UBASH3B: variants seen among roughly 807,000 people sequenced by gnomAD.
The protein encoded by UBASH3B is ubiquitin associated and SH3 domain containing B, also known as ubiquitin-associated and SH3 domain-containing protein B.
UBASH3B carries 37 observed loss-of-function variants against 83.4 expected under a neutral mutation model. The ratio of observed to expected loss-of-function variants is 0.44; its 90% CI spans 0.34 to 0.58. UBASH3B has a LOEUF of 0.58. Ranked by LOEUF, UBASH3B falls within the 20% of genes least tolerant of loss-of-function variation. The probability of loss-of-function intolerance (pLI) is 0.01; values close to 1 mark genes in which losing one functional copy is unlikely to be tolerated. For missense variants in UBASH3B, 657 were observed against 827.2 expected (o/e 0.79, Z 2.52); for synonymous variants, 304 against 318.3 (o/e 0.96, Z 0.48).
intron 1 of UBASH3B, among the ~76,000 whole-genome samples, chr11:122,705,467 A>AG (rs1374680893): frequency 6.6e-6 from 1 of 151,850 alleles, no homozygotes; most frequent in East Asian, 1.9e-4. Flanking sequence ...AAAAAAAAAA[A>AG]AAAAGAAAAA....
At chr11:122,660,234 G>A (rs1863419364) in intron 1 of UBASH3B, among the ~76,000 whole-genome samples, 1 of 152,122 alleles carries the variant, frequency 6.6e-6, no homozygotes, top group Non-Finnish European at 1.5e-5. Context: ...AGGAGAATTT[G>A]CCTCATGGAG....
chr11:122,730,745 G>A (rs534855280), intron 1 of UBASH3B, among the ~76,000 whole-genome samples: 2 of 152,216 alleles, frequency 1.3e-5, no homozygotes, highest in Admixed American at 1.3e-4. Flanking sequence ...ACAGGCATGT[G>A]CCACCACGCC....
At chr11:122,744,884 T>TGTGTGTGTGTG (rs1485342931) in intron 1 of UBASH3B, among the ~76,000 whole-genome samples, 5 of 135,874 alleles carry the variant, frequency 3.7e-5, no homozygotes, top group African/African-American at 1.3e-4. Flanking sequence ...TGTGTGTGTG[T>TGTGTGTGTGTG]GTGTGTGTGT....
At chr11:122,780,317 C>T (rs1860827569) in intron 4 of UBASH3B, among the ~76,000 whole-genome samples, 1 of 152,204 alleles carries the variant, frequency 6.6e-6, no homozygotes, top group Non-Finnish European at 1.5e-5. Flanking sequence ...CCTGAGATTT[C>T]CTGTCAAAGG....
intron 1 of UBASH3B, among the ~76,000 whole-genome samples, chr11:122,750,609 A>G (rs190598225): frequency 7.9e-5 from 12 of 152,374 alleles, no homozygotes; most frequent in Admixed American, 1.3e-4. Flanking sequence ...AGAAGTTAAG[A>G]ACCCAGATAC....
intron 1 of UBASH3B, among the ~76,000 whole-genome samples, chr11:122,744,663 G>A (rs1000088811): frequency 1.3e-5 from 2 of 151,568 alleles, no homozygotes; most frequent in Admixed American, 6.6e-5. Context: ...ATGATCAAAT[G>A]TGTGTCACTG....
At chr11:122,684,691 G>A (rs1030244005) in intron 1 of UBASH3B, among the ~76,000 whole-genome samples, 2 of 152,112 alleles carry the variant, frequency 1.3e-5, no homozygotes, top group African/African-American at 4.8e-5. Flanking sequence ...TCTACCTCCT[G>A]GGTTCAAGTG....
At chr11:122,731,998 C>CACACAA (rs1860852209) in intron 1 of UBASH3B, among the ~76,000 whole-genome samples, 1 of 71,308 alleles carries the variant, frequency 1.4e-5, no homozygotes, top group Admixed American at 1.3e-4. Context: ...ACCCCGACGA[C>CACACAA]ACACACACAC....
chr11:122,701,734 T>C (rs1864042360), intron 1 of UBASH3B, among the ~76,000 whole-genome samples: 1 of 152,206 alleles, frequency 6.6e-6, no homozygotes, highest in Non-Finnish European at 1.5e-5. Context: ...CAAGATGTCC[T>C]TGCTTTGGTC....
At chr11:122,691,346 C>T (rs1417795355) in intron 1 of UBASH3B, among the ~76,000 whole-genome samples, 2 of 152,188 alleles carry the variant, frequency 1.3e-5, no homozygotes, top group Non-Finnish European at 2.9e-5. Flanking sequence ...AGGTTAAAGT[C>T]ACTCTTTTCT....
At chr11:122,733,044 C>T (rs1239157831) in intron 1 of UBASH3B, among the ~76,000 whole-genome samples, 2 of 152,190 alleles carry the variant, frequency 1.3e-5, no homozygotes, top group African/African-American at 2.4e-5. Context: ...GCAAGGGTCT[C>T]CCCACCCAAC....
intron 4 of UBASH3B, among the ~76,000 whole-genome samples, chr11:122,781,879 A>T (rs1215800892): frequency 1.3e-5 from 2 of 152,266 alleles, no homozygotes; most frequent in African/African-American, 4.8e-5. Context: ...ACCTTGTTTC[A>T]TGGGGCTTAC....
At chr11:122,740,577 A>G (rs1481181391) in intron 1 of UBASH3B, among the ~76,000 whole-genome samples, 1 of 152,212 alleles carries the variant, frequency 6.6e-6, no homozygotes, top group African/African-American at 2.4e-5. Context: ...TACATGGGAT[A>G]TCACTGATGC....
At chr11:122,774,072 G>A (rs1200120847) in intron 1 of UBASH3B, 3 of 984,536 alleles carry the variant, frequency 3.0e-6, no homozygotes, top group Non-Finnish European at 3.6e-6. Flanking sequence ...AAAAAAAAGC[G>A]AGATGTGTGG....
intron 1 of UBASH3B, among the ~76,000 whole-genome samples, chr11:122,686,629 C>A (rs1456608908): frequency 6.6e-6 from 1 of 152,076 alleles, no homozygotes; most frequent in Non-Finnish European, 1.5e-5. Context: ...GAAAAGCCAT[C>A]CAGGCTTGTT....
At chr11:122,775,306 C>T (rs1471521737) in intron 1 of UBASH3B, among the ~76,000 whole-genome samples, 1 of 152,238 alleles carries the variant, frequency 6.6e-6, no homozygotes, top group Non-Finnish European at 1.5e-5. Context: ...AGTTTGTACA[C>T]AGGGCTTCAC....
At chr11:122,752,418 T>C (rs1383834386) in intron 1 of UBASH3B, among the ~76,000 whole-genome samples, 1 of 152,158 alleles carries the variant, frequency 6.6e-6, no homozygotes, top group Non-Finnish European at 1.5e-5. Context: ...GACAGTGAAC[T>C]CAAGGGACCA....
intron 1 of UBASH3B, among the ~76,000 whole-genome samples, chr11:122,706,106 CTTTTT>C (rs36055058): frequency 1.6e-5 from 2 of 127,034 alleles, no homozygotes; most frequent in African/African-American, 6.1e-5. Context: ...TCTTTTCTTT[CTTTTT>C]TTTTTTTTCT....
chr11:122,655,938 C>G lies in UBASH3B; in HGVS notation c.-112C>G, dbSNP rs946985478. On this transcript the variant is annotated 5_prime_UTR_variant, in exon 1 of 14. Coordinates refer to ENST00000284273, the MANE Select transcript of UBASH3B (RefSeq NM_032873.5). Reference sequence around the variant, plus strand: ...AGCGCCGCCTCCGCTGCCGCCGCCTCCTGCCTGGCTCTGGGTCCCCGAGCC... The same window carrying G: ...AGCGCCGCCTCCGCTGCCGCCGCCTGCTGCCTGGCTCTGGGTCCCCGAGCC... 9 of 1,195,306 alleles carry G rather than the reference C, an allele frequency of 7.5e-6. No homozygotes were observed. In the East Asian group the frequency reaches 1.9e-4, roughly 25 times the overall value. 74.0% of individuals were successfully genotyped at this position (1,195,306 alleles called of 1,614,324 possible). A position where few individuals can be genotyped will look rare whatever the true frequency, so the allele number is the denominator to read the frequency against.
Sources: gnomAD v4.1 joint callset for allele counts (sites outside exome capture counted in the v4.1 genomes callset) on GRCh38, gnomAD v4.1.1 for gene constraint, MANE v1.5 for transcripts, NCBI Gene and HGNC (gene_info 2026-07-23, HGNC 2026-07-21) for gene names.